The following SLC24A3 variants were observed in gnomAD, a reference collection of about 807,000 sequenced individuals.
SLC24A3 encodes the protein sodium/potassium/calcium exchanger 3.
SLC24A3 carries 28 observed loss-of-function variants against 75.8 expected under a neutral mutation model. That is an observed-to-expected ratio of 0.37 (90% confidence interval 0.27 to 0.51). The LOEUF (loss-of-function observed/expected upper bound fraction) is 0.51. Ranked by LOEUF, SLC24A3 falls within the 20% of genes least tolerant of loss-of-function variation. The pLI is 0.94. For missense variants in SLC24A3, 663 were observed against 847.8 expected (o/e 0.78, Z 2.71); for synonymous variants, 372 against 334.1 (o/e 1.11, Z -1.24).
intron 3 of SLC24A3, among the ~76,000 whole-genome samples, chr20:19,579,551 G>A (rs2031189073): frequency 6.6e-6 from 1 of 152,226 alleles, no homozygotes; most frequent in African/African-American, 2.4e-5. Context: ...AACTTCTGGT[G>A]GAGGAGACAG....
At chr20:19,359,529 A>T (rs1985749245) in intron 2 of SLC24A3, among the ~76,000 whole-genome samples, 1 of 152,108 alleles carries the variant, frequency 6.6e-6, no homozygotes, top group Non-Finnish European at 1.5e-5. Context: ...AGTCAGGGAA[A>T]ATGAGCATGT....
chr20:19,685,557 AT>A (rs2032666801), intron 12 of SLC24A3, among the ~76,000 whole-genome samples, 196 bp downstream of exon 12: 1 of 152,208 alleles, frequency 6.6e-6, no homozygotes, highest in Non-Finnish European at 1.5e-5. Context: ...GTCCATGATC[AT>A]TGCTTGAAAT....
At chr20:19,677,919 T>G (rs1415007030) in intron 9 of SLC24A3, among the ~76,000 whole-genome samples, 3 of 151,524 alleles carry the variant, frequency 2.0e-5, no homozygotes. Flanking sequence ...TTAACGAGCA[T>G]GCTGCCTTCA....
chr20:19,282,707 A>G (rs577634193), intron 2 of SLC24A3, among the ~76,000 whole-genome samples: 1 of 152,376 alleles, frequency 6.6e-6, no homozygotes, highest in Admixed American at 6.5e-5. Flanking sequence ...GAATGGAATC[A>G]GACAGGACAT....
intron 9 of SLC24A3, among the ~76,000 whole-genome samples, chr20:19,678,326 C>CCCCCCACCTCCCTCCCGGACG (rs2032554627): frequency 7.9e-6 from 1 of 126,260 alleles, no homozygotes; most frequent in Non-Finnish European, 1.7e-5. Flanking sequence ...GGCGGCTGGC[C>CCCCCCACCTCCCTCCCGGACG]GGGCGGGGGG....
intron 2 of SLC24A3, among the ~76,000 whole-genome samples, chr20:19,335,544 G>T (rs1221918503): frequency 1.3e-5 from 2 of 152,162 alleles, no homozygotes; most frequent in African/African-American, 4.8e-5. Flanking sequence ...GATAAAGGCT[G>T]CTCAGGTAAA....
chr20:19,437,713 G>A (rs1987230127), intron 2 of SLC24A3, among the ~76,000 whole-genome samples: 1 of 152,146 alleles, frequency 6.6e-6, no homozygotes, highest in African/African-American at 2.4e-5. Flanking sequence ...GTTCTCTATA[G>A]CAAACCCACG....
intron 15 of SLC24A3, among the ~76,000 whole-genome samples, chr20:19,704,905 G>C (rs990311792): frequency 3.9e-5 from 6 of 152,102 alleles, no homozygotes; most frequent in African/African-American, 1.2e-4. Context: ...TCTTAGCTCA[G>C]TTCTGCAGAT....
chr20:19,570,618 A>C (rs537703284), intron 3 of SLC24A3, among the ~76,000 whole-genome samples: 2 of 152,208 alleles, frequency 1.3e-5, no homozygotes, highest in Admixed American at 1.3e-4. Flanking sequence ...TTGTTAATAC[A>C]TTGGATAGAA....
At chr20:19,598,898 A>G (rs76265147) in intron 6 of SLC24A3, among the ~76,000 whole-genome samples, 1 of 131,340 alleles carries the variant, frequency 7.6e-6, no homozygotes, top group African/African-American at 3.0e-5. Flanking sequence ...ATATATATAT[A>G]TGTATATACA....
In SLC24A3 at chr20:19,717,509, C is replaced by A; in HGVS notation, c.1720-19C>A. On this transcript the variant is annotated intron_variant, in intron 15 of 16. Transcript: ENST00000328041. ...GAAGCCTAGCTTGTCAGAAGCCTAA[C>A]TCTAACCCTCTCTTACAGATCCGGC... is the stretch of plus-strand genomic sequence containing the variant. 1 of 1,613,670 alleles carries A rather than the reference C, an allele frequency of 6.2e-7. No homozygotes were observed. Among genetic ancestry groups the A allele is most frequent in the Non-Finnish European group, 8.5e-7 (1 of 1,179,676 alleles).
intron 6 of SLC24A3, among the ~76,000 whole-genome samples, chr20:19,642,898 T>G (rs1488842301): frequency 1.3e-5 from 2 of 152,356 alleles, no homozygotes; most frequent in South Asian, 4.1e-4. Context: ...GGTACTTTGT[T>G]TTAATTCTCA....
chr20:19,634,115 A>G (rs2031970708), intron 6 of SLC24A3, among the ~76,000 whole-genome samples: 1 of 152,228 alleles, frequency 6.6e-6, no homozygotes, highest in Admixed American at 6.5e-5. Flanking sequence ...ATACTGAGAC[A>G]TCGCCAGTCA....
chr20:19,612,637 T>TGTGTGTGTGTGC (rs1436955160), intron 6 of SLC24A3, among the ~76,000 whole-genome samples: 11 of 151,764 alleles, frequency 7.2e-5, no homozygotes, highest in Admixed American at 5.2e-4. Flanking sequence ...TGTGTGTGTG[T>TGTGTGTGTGTGC]GTGTAAAATA....
intron 3 of SLC24A3, among the ~76,000 whole-genome samples, chr20:19,536,050 C>T (rs553819572): frequency 6.0e-4 from 92 of 152,236 alleles, no homozygotes; most frequent in African/African-American, 2.2e-3. Context: ...TCTTAATTTG[C>T]CACATTGAGG....
At chr20:19,662,302 T>C (rs1422482798) in intron 7 of SLC24A3, among the ~76,000 whole-genome samples, 2 of 152,170 alleles carry the variant, frequency 1.3e-5, no homozygotes, top group Non-Finnish European at 2.9e-5. Context: ...GCTGAGTCAG[T>C]TCCAAAGCCC....
intron 2 of SLC24A3, among the ~76,000 whole-genome samples, chr20:19,321,232 C>A (rs1379284088): frequency 6.6e-6 from 1 of 152,164 alleles, no homozygotes; most frequent in Non-Finnish European, 1.5e-5. Context: ...CTGCTCATAA[C>A]CACAGTGTCA....
chr20:19,467,902 C>T (rs533342082), intron 2 of SLC24A3, among the ~76,000 whole-genome samples: 11 of 149,454 alleles, frequency 7.4e-5, no homozygotes, highest in Admixed American at 4.0e-4. Context: ...AAAAAGCCAC[C>T]TGATTCTTCA....
Position 19,708,691 on chromosome 20 carries a change from C to CCCTGTGGGGA in SLC24A3, c.1720-8837_1720-8836insCCTGTGGGGA, listed in dbSNP as rs1293984551. Among the ~76,000 whole-genome samples the CCCTGTGGGGA allele has an allele frequency of 7.2e-5, 11 of 152,234 alleles. 1 individual carries two copies. The highest frequency in any genetic ancestry group is 1.3e-4 in the Non-Finnish European group (9 of 68,052). ...GACCACTGCTAGGGTCTCCTACAAA[C>CCCTGTGGGGA]TATCCCCACAGGACCTAGATAGGTA... On this transcript the variant is annotated intron_variant, in intron 15 of 16. Transcript: ENST00000328041.
Sources: allele counts gnomAD v4.1 joint callset (sites outside exome capture counted in the v4.1 genomes callset), GRCh38; gene constraint gnomAD v4.1.1; transcripts MANE v1.5; gene names NCBI Gene and HGNC (gene_info 2026-07-23, HGNC 2026-07-21).